AGBL4: variants seen among roughly 807,000 people sequenced by gnomAD.
AGBL4 encodes AGBL carboxypeptidase 4, also known as cytosolic carboxypeptidase 6.
In AGBL4, 58 loss-of-function variants were observed where a neutral mutation model predicts 66.4. The ratio of observed to expected loss-of-function variants is 0.87; its 90% CI spans 0.71 to 1.09. The LOEUF (loss-of-function observed/expected upper bound fraction) is 1.09. Ranked by LOEUF, AGBL4 falls within the 50% of genes least tolerant of loss-of-function variation. The probability of loss-of-function intolerance (pLI) is 0.00; values close to 1 mark genes in which losing one functional copy is unlikely to be tolerated. For synonymous variants in AGBL4, 234 were observed against 222.9 expected (o/e 1.05, Z -0.44); for missense variants, 579 against 631.0 (o/e 0.92, Z 0.88).
intron 6 of AGBL4, among the ~76,000 whole-genome samples, chr1:48,690,547 C>T (rs1002453312): frequency 6.6e-6 from 1 of 152,054 alleles, no homozygotes; most frequent in Admixed American, 6.5e-5. Flanking sequence ...GGGCTGAGTC[C>T]CACTAAGGGT....
chr1:49,438,128 C>T (rs1371648368), intron 3 of AGBL4, among the ~76,000 whole-genome samples: 1 of 152,136 alleles, frequency 6.6e-6, no homozygotes, highest in East Asian at 1.9e-4. Context: ...ATGGGTTTAG[C>T]TAGATGCTCT....
chr1:48,632,264 C>T (rs764197440), intron 9 of AGBL4, among the ~76,000 whole-genome samples: 14 of 152,144 alleles, frequency 9.2e-5, no homozygotes, highest in Non-Finnish European at 1.6e-4. Context: ...GCTCAGCACC[C>T]AAGATGTACT....
intron 1 of AGBL4, among the ~76,000 whole-genome samples, chr1:49,948,092 GTATATGTATA>G (rs1557608324): frequency 1.9e-4 from 15 of 78,586 alleles, no homozygotes; most frequent in East Asian, 8.7e-4. Context: ...GTAAATATAT[GTATATGTATA>G]TATATGTAAA....
intron 6 of AGBL4, among the ~76,000 whole-genome samples, chr1:48,685,628 CAT>C (rs1646519628): frequency 6.6e-6 from 1 of 152,090 alleles, no homozygotes. Flanking sequence ...TGAAAAAAGA[CAT>C]AGAAATGCTA....
At chr1:48,715,824 T>TTTTGGTTATTAA (rs1647041230) in intron 6 of AGBL4, among the ~76,000 whole-genome samples, 12 of 152,178 alleles carry the variant, frequency 7.9e-5, no homozygotes, top group Admixed American at 7.9e-4. Flanking sequence ...CAAAGCAGAC[T>TTTTGGTTATTAA]TTTCTGGTCT....
chr1:49,070,581 C>G (rs1431130550), intron 4 of AGBL4, among the ~76,000 whole-genome samples: 1 of 151,928 alleles, frequency 6.6e-6, no homozygotes, highest in Non-Finnish European at 1.5e-5. Context: ...AGGGATGAAA[C>G]CGACTTGATT....
intron 6 of AGBL4, among the ~76,000 whole-genome samples, chr1:48,680,743 CTG>C (rs1646442571): frequency 6.6e-6 from 1 of 152,128 alleles, no homozygotes; most frequent in African/African-American, 2.4e-5. Context: ...TGTTCGGAGA[CTG>C]TGGTGAGTGA....
intron 6 of AGBL4, among the ~76,000 whole-genome samples, chr1:48,670,313 G>T (rs1195934965): frequency 1.3e-5 from 2 of 152,198 alleles, no homozygotes; most frequent in Non-Finnish European, 2.9e-5. Flanking sequence ...GAAGAAGAAG[G>T]GCAGAGGACC....
chr1:49,867,897 TA>T (rs1175913266), intron 1 of AGBL4, among the ~76,000 whole-genome samples: 2 of 152,170 alleles, frequency 1.3e-5, no homozygotes, highest in African/African-American at 4.8e-5. Context: ...GTAAGTGGGC[TA>T]AATGCCCCAA....
At chr1:49,690,654 C>G (rs754794101) in intron 3 of AGBL4, among the ~76,000 whole-genome samples, 2 of 152,148 alleles carry the variant, frequency 1.3e-5, no homozygotes, top group Non-Finnish European at 1.5e-5. Flanking sequence ...TAGAACACTA[C>G]TTATGACATT....
intron 3 of AGBL4, among the ~76,000 whole-genome samples, chr1:49,671,955 T>C (rs748946223): frequency 6.6e-6 from 1 of 152,066 alleles, no homozygotes; most frequent in Admixed American, 6.6e-5. Flanking sequence ...ACAGCAGAAC[T>C]ACCATTTGAC....
intron 7 of AGBL4, 92 bp from the exon 8 acceptor site, chr1:48,653,543 T>TTGGAAAACA: frequency 1.1e-6 from 1 of 951,180 alleles, no homozygotes; most frequent in East Asian, 2.6e-5. Context: ...AAGAGCTCAA[T>TTGGAAAACA]AGGTGATTTT....
chr1:49,372,335 C>G (rs3014325), intron 3 of AGBL4, among the ~76,000 whole-genome samples: 7,229 of 152,176 alleles, frequency 0.048, 543 homozygotes, highest in African/African-American at 0.16. Flanking sequence ...GCTTATTTTT[C>G]ATCCATGTCA....
Position 49,006,496 on chromosome 1 carries a change from G to A in AGBL4, c.594+39088C>T, listed in dbSNP as rs530339914. Among the ~76,000 whole-genome samples, 110 of 152,184 alleles carry A rather than the reference G, an allele frequency of 7.2e-4. 1 individual carries two copies. The highest frequency in any genetic ancestry group is 3.4e-3 in the Middle Eastern group (1 of 294). On this transcript the variant is annotated intron_variant, in intron 5 of 13. Transcript: ENST00000371839. The stretch of plus-strand genomic sequence containing the variant: ...GGCTTGCTTAGGTAAACAAAGCAGC[G>A]GGGAAGCTCGAACTGGGTGGAGCCC...
intron 2 of AGBL4, among the ~76,000 whole-genome samples, chr1:49,828,839 G>C (rs1386069868): frequency 1.3e-5 from 2 of 152,116 alleles, no homozygotes; most frequent in African/African-American, 4.8e-5. Flanking sequence ...GGAAGGCCGA[G>C]GCGGGCGGAT....
chr1:49,243,240 AT>A (rs1651379114), intron 4 of AGBL4, among the ~76,000 whole-genome samples: 1 of 151,724 alleles, frequency 6.6e-6, no homozygotes, highest in Non-Finnish European at 1.5e-5. Flanking sequence ...TTGCCTTGGT[AT>A]TGGGAAAGCT....
intron 2 of AGBL4, among the ~76,000 whole-genome samples, chr1:49,756,480 T>C (rs1309605970): frequency 1.3e-5 from 2 of 152,236 alleles, no homozygotes. Context: ...AGATGCCTTT[T>C]AATAACATGA....
rs149169960 is a variant in AGBL4, at chr1:49,579,562, C to T, written c.282+117751G>A. Among the ~76,000 whole-genome samples the T allele has an allele frequency of 1.1e-3, 163 of 152,242 alleles. 6 individuals are homozygous for T. The East Asian group carries it at 0.027, about 25-fold the overall frequency. On this transcript the variant is annotated intron_variant, in intron 3 of 13. Transcript: ENST00000371839. ...TCACCCAGGCCAGACTGCAGTGGTGCTATCTTGGCTCACTGCAAGCTCCAC... is the reference window on the plus strand; with the variant it reads ...TCACCCAGGCCAGACTGCAGTGGTGTTATCTTGGCTCACTGCAAGCTCCAC...
intron 4 of AGBL4, among the ~76,000 whole-genome samples, chr1:49,101,945 G>A (rs1645209685): frequency 6.6e-6 from 1 of 152,090 alleles, no homozygotes; most frequent in Non-Finnish European, 1.5e-5. Flanking sequence ...TCAAAGGAGA[G>A]ACTATCTGAT....
Sources: allele counts gnomAD v4.1 joint callset (sites outside exome capture counted in the v4.1 genomes callset), GRCh38; gene constraint gnomAD v4.1.1; transcripts MANE v1.5; gene names NCBI Gene and HGNC (gene_info 2026-07-23, HGNC 2026-07-21).